TNR: variants seen among roughly 807,000 people sequenced by gnomAD.
TNR encodes the protein tenascin-R.
TNR carries 45 observed loss-of-function variants against 150.4 expected under a neutral mutation model. The observed-to-expected ratio is 0.30, with a 90% CI of 0.24 to 0.38. TNR has a LOEUF of 0.38. TNR is among the 10% of genes least tolerant of loss of function. The probability of loss-of-function intolerance (pLI) is 1.00; values close to 1 mark genes in which losing one functional copy is unlikely to be tolerated. For synonymous variants in TNR, 687 were observed against 678.4 expected (o/e 1.01, Z -0.20); for missense variants, 1,544 against 1,759.1 (o/e 0.88, Z 2.19).
chr1:175,588,913 T>C (rs1033804038), intron 1 of TNR, among the ~76,000 whole-genome samples: 1 of 152,136 alleles, frequency 6.6e-6, no homozygotes, highest in Non-Finnish European at 1.5e-5. Context: ...GTAGACCCAG[T>C]ATGGCCAGTT....
At position 175,403,184 on chromosome 1, in the gene TNR, A is replaced by G. The variant is rs752607349; in HGVS notation, c.932T>C (p.Leu311Pro). 118 of 1,613,944 alleles carry G rather than the reference A, an allele frequency of 7.3e-5. No homozygotes were observed. In the South Asian group the frequency reaches 1.2e-3, roughly 17 times the overall value. The change falls in exon 4 of 23, where the codon CTC becomes CCC. Residue 311 changes from leucine to proline, a missense_variant. Physicochemically the swap from Leu to Pro is moderately conservative, Grantham distance 98. Coordinates refer to ENST00000367674, the MANE Select transcript of TNR (RefSeq NM_003285.3). ...CTGGTAGCCCTCTTCACAGACGCAGAGCCCCTCCTCACATTGTCCTCGCCC... is the reference window on the plus strand; with the variant it reads ...CTGGTAGCCCTCTTCACAGACGCAGGGCCCCTCCTCACATTGTCCTCGCCC... ...CSGRGQCEEG[L>P]CVCEEGYQGP...
Position 175,362,751 on chromosome 1 carries a change from T to C in TNR, c.2766A>G (p.Arg922=), listed in dbSNP as rs1167256471. Residue 922 remains arginine, a synonymous_variant, in exon 14 of 23, where the codon AGA becomes AGG. Coordinates refer to ENST00000367674, the MANE Select transcript of TNR (RefSeq NM_003285.3). ...PNTVTEFTIT[R]LNPATEYEIS... is the part of the protein sequence containing the mutation. ...TTTCGTATTCGGTAGCTGGGTTCAGTCTGGTGATGGTGAATTCTGTCACAG... is the reference window on the plus strand; with the variant it reads ...TTTCGTATTCGGTAGCTGGGTTCAGCCTGGTGATGGTGAATTCTGTCACAG... 6.2e-7 allele frequency: 1 copy of C among 1,614,124 alleles called. No individual in the cohort carries two copies. Among genetic ancestry groups the C allele is most frequent in the Admixed American group, 1.7e-5 (1 of 60,022 alleles).
In TNR at chr1:175,554,967, A is replaced by AC. The variant is rs1661092960; in HGVS notation, c.-164-26599dup. Among the ~76,000 whole-genome samples, 3 of 152,316 alleles carry AC rather than the reference A, an allele frequency of 2.0e-5. No individual in the cohort carries two copies. The South Asian group carries it at 6.2e-4, about 32-fold the overall frequency. ...AGCAGTCGGGAAGGGCTAGGCTAGA[A>AC]CACAGGTCTCTTTACTCTCTGGCCA... On this transcript the variant is annotated intron_variant, in intron 1 of 22. Coordinates refer to ENST00000367674, the MANE Select transcript of TNR (RefSeq NM_003285.3).
chr1:175,653,261 T>C (rs1039408715), intron 1 of TNR, among the ~76,000 whole-genome samples: 7 of 152,218 alleles, frequency 4.6e-5, no homozygotes, highest in Admixed American at 4.6e-4. Context: ...TGTTCTGTCC[T>C]AGGAAATGAG....
At chr1:175,365,824 C>T (rs778690317) in intron 11 of TNR, 51 bp downstream of exon 11, 15 of 1,577,850 alleles carry the variant, frequency 9.5e-6, no homozygotes, top group Non-Finnish European at 1.2e-5. Flanking sequence ...ATTTCTCACA[C>T]TGAGATCCAC....
chr1:175,516,662 G>A (rs1659418858), intron 2 of TNR, among the ~76,000 whole-genome samples: 1 of 152,182 alleles, frequency 6.6e-6, no homozygotes. Context: ...AGCAGGACCT[G>A]AGCTTTTCCA....
At chr1:175,413,843 G>A (rs933819156) in intron 2 of TNR, among the ~76,000 whole-genome samples, 12 of 152,176 alleles carry the variant, frequency 7.9e-5, no homozygotes, top group Admixed American at 2.0e-4. Context: ...TATAAAAGAC[G>A]TAGAGAGAGT....
intron 1 of TNR, among the ~76,000 whole-genome samples, chr1:175,639,310 C>G (rs1664580852): frequency 6.6e-6 from 1 of 152,294 alleles, no homozygotes; most frequent in Admixed American, 6.5e-5. Flanking sequence ...AGTTCCAGGA[C>G]TCTTTCTACT....
chr1:175,733,447 G>T (rs79837293), intron 1 of TNR, among the ~76,000 whole-genome samples: 1,894 of 152,228 alleles, frequency 0.012, 38 homozygotes, highest in African/African-American at 0.042. Flanking sequence ...AGACACGGCC[G>T]GAGAAGTCAC....
intron 1 of TNR, among the ~76,000 whole-genome samples, chr1:175,663,709 A>G (rs368557123): frequency 6.6e-6 from 1 of 152,220 alleles, no homozygotes; most frequent in Non-Finnish European, 1.5e-5. Context: ...CTCACCCTTT[A>G]AATGCCAGAG....
At position 175,398,319 on chromosome 1, in the gene TNR, G is replaced by A. The variant is rs138782579; in HGVS notation, c.977-1512C>T. On this transcript the variant is annotated intron_variant, in intron 4 of 22. Transcript: ENST00000367674. ...TAGAAAGCAGAGCTTCTTGAGGATGGCAAATGTTGACCAAAACAAAAATTA... is the reference window on the plus strand; with the variant it reads ...TAGAAAGCAGAGCTTCTTGAGGATGACAAATGTTGACCAAAACAAAAATTA... Among the ~76,000 whole-genome samples, 57 of 152,234 alleles carry A rather than the reference G, an allele frequency of 3.7e-4. No homozygotes were observed. In the East Asian group the frequency reaches 0.011, roughly 28 times the overall value.
intron 2 of TNR, among the ~76,000 whole-genome samples, chr1:175,428,699 T>C (rs1655123457): frequency 6.6e-6 from 1 of 152,244 alleles, no homozygotes; most frequent in South Asian, 2.1e-4. Context: ...CACCATTGGT[T>C]GAATTCTGAC....
intron 14 of TNR, 33 bp from the exon 15 acceptor site, chr1:175,359,764 G>A: frequency 6.3e-7 from 1 of 1,580,048 alleles, no homozygotes. Flanking sequence ...TTACAGATAA[G>A]AGGAGCTGCA....
chr1:175,741,251 C>T (rs993077716), intron 1 of TNR, among the ~76,000 whole-genome samples: 3 of 152,236 alleles, frequency 2.0e-5, no homozygotes, highest in South Asian at 4.1e-4. Context: ...TTTCTGCTTT[C>T]GCTATCCTCT....
chr1:175,439,063 C>T (rs567630325), intron 2 of TNR, among the ~76,000 whole-genome samples: 4 of 152,176 alleles, frequency 2.6e-5, no homozygotes, highest in East Asian at 1.9e-4. Flanking sequence ...GCCCTCATTG[C>T]AAAGTCAATC....
chr1:175,331,037 C>CTTTCTTTCT (rs1407626936), intron 20 of TNR, among the ~76,000 whole-genome samples: 11 of 72,532 alleles, frequency 1.5e-4, no homozygotes, highest in African/African-American at 5.0e-4. Flanking sequence ...TTCTTTCTTT[C>CTTTCTTTCT]TTTCTTTCTT....
chr1:175,356,341 G>A lies in TNR; in HGVS notation c.3096C>T (p.Thr1032=). 6.2e-7 allele frequency: 1 copy of A among 1,614,042 alleles called. No individual in the cohort carries two copies. Among genetic ancestry groups the A allele is most frequent in the Non-Finnish European group, 8.5e-7 (1 of 1,179,938 alleles). Residue 1032 remains threonine, a synonymous_variant, in exon 16 of 23, where the codon ACC becomes ACT. Coordinates refer to ENST00000367674, the MANE Select transcript of TNR (RefSeq NM_003285.3). ...YATNGPLTSG[T]ISTNFSTLLD... is the part of the protein sequence containing the mutation. Reference sequence around the variant, plus strand: ...CACGAGTAGAAAAGTTGGTGCTGATGGTGCCACTGGTGAGAGGTCCATTGG... The same window carrying A: ...CACGAGTAGAAAAGTTGGTGCTGATAGTGCCACTGGTGAGAGGTCCATTGG...
At chr1:175,671,298 C>T (rs1180916297) in intron 1 of TNR, among the ~76,000 whole-genome samples, 1 of 152,180 alleles carries the variant, frequency 6.6e-6, no homozygotes, top group Non-Finnish European at 1.5e-5. Context: ...TCTCAGGAGC[C>T]AGGAGATGCA....
At chr1:175,597,290 C>T (rs561554909) in intron 1 of TNR, among the ~76,000 whole-genome samples, 1 of 152,308 alleles carries the variant, frequency 6.6e-6, no homozygotes, top group South Asian at 2.1e-4. Flanking sequence ...GGAAATAGAG[C>T]ACTGGTCTGC....
Sources: gnomAD v4.1 joint callset for allele counts (sites outside exome capture counted in the v4.1 genomes callset) on GRCh38, gnomAD v4.1.1 for gene constraint, MANE v1.5 for transcripts, NCBI Gene and HGNC (gene_info 2026-07-23, HGNC 2026-07-21) for gene names.